MYO6: variants seen among roughly 807,000 people sequenced by gnomAD.
MYO6 encodes unconventional myosin-VI.
A neutral mutation model predicts 178.7 loss-of-function variants in MYO6; 74 were observed. That is an observed-to-expected ratio of 0.41 (90% CI 0.34 to 0.50). The LOEUF is 0.50. Among genes scored for constraint, MYO6 ranks in the 20% least tolerant of loss-of-function variants. MYO6 has a pLI of 0.09. For synonymous variants in MYO6, 477 were observed against 504.6 expected (o/e 0.95, Z 0.73); for missense variants, 1,330 against 1,547.4 (o/e 0.86, Z 2.36).
At chr6:75,888,030 C>T (rs1778599592) in intron 25 of MYO6, among the ~76,000 whole-genome samples, 2 of 151,938 alleles carry the variant, frequency 1.3e-5, no homozygotes, top group South Asian at 4.2e-4. Flanking sequence ...TGGCTCCTGC[C>T]TGTAATCCCA....
intron 1 of MYO6, among the ~76,000 whole-genome samples, chr6:75,779,266 C>T (rs1320684579): frequency 2.0e-5 from 3 of 151,960 alleles, no homozygotes; most frequent in East Asian, 1.9e-4. Flanking sequence ...CTTTGGGACG[C>T]CGAGGTGGTC....
At chr6:75,759,523 C>T (rs1013450677) in intron 1 of MYO6, among the ~76,000 whole-genome samples, 17 of 151,246 alleles carry the variant, frequency 1.1e-4, no homozygotes, top group African/African-American at 2.9e-4. Context: ...CCTCTTCCTC[C>T]GAGTCTCCAC....
chr6:75,889,274 A>G (rs1056117350), intron 25 of MYO6, among the ~76,000 whole-genome samples: 5 of 152,172 alleles, frequency 3.3e-5, no homozygotes, highest in African/African-American at 1.2e-4. Flanking sequence ...ACCCACCCAC[A>G]TTTTTTGAAG....
At position 75,916,740 on chromosome 6, in the gene MYO6, CTT is replaced by C. The variant is rs1781141324; in HGVS notation, c.*1730_*1731del. On this transcript the variant is annotated 3_prime_UTR_variant, in exon 35 of 35. Coordinates refer to ENST00000369977, the MANE Select transcript of MYO6 (RefSeq NM_004999.4). ...CAAATTGTTTTTTAATGACATGTCT[CTT>C]TAGTACAATAGTTTTGTGTATCTTT... 1 of 152,072 alleles carries C rather than the reference CTT, an allele frequency of 6.6e-6. No individual in the cohort carries two copies. Among genetic ancestry groups the C allele is most frequent in the Admixed American group, 6.6e-5 (1 of 15,260 alleles). 9.4% of individuals were successfully genotyped at this position (152,072 alleles called of 1,614,324 possible).
chr6:75,911,258 C>T (rs867545413), intron 32 of MYO6, among the ~76,000 whole-genome samples: 10 of 151,852 alleles, frequency 6.6e-5, no homozygotes, highest in African/African-American at 2.2e-4. Context: ...GTTACCAAAA[C>T]GTAGTAACGT....
chr6:75,832,969 A>T, intron 6 of MYO6, 22 bp downstream of exon 6: 1 of 1,499,230 alleles, frequency 6.7e-7, no homozygotes, highest in South Asian at 1.1e-5. Flanking sequence ...GCTAACTTGA[A>T]GTATTTGAGT....
At chr6:75,836,587 C>CTTT (rs575271701) in intron 7 of MYO6, among the ~76,000 whole-genome samples, 3 of 143,086 alleles carry the variant, frequency 2.1e-5, no homozygotes, top group African/African-American at 7.7e-5. Context: ...TTTTTCTTTT[C>CTTT]TTTTTTTTTT....
intron 1 of MYO6, among the ~76,000 whole-genome samples, chr6:75,806,352 C>T (rs1770084803): frequency 6.7e-6 from 1 of 148,772 alleles, no homozygotes; most frequent in African/African-American, 2.5e-5. Context: ...CATGCCACTG[C>T]ACTCCAGCCT....
chr6:75,863,568 C>T (rs550196420), intron 16 of MYO6, among the ~76,000 whole-genome samples: 1 of 152,062 alleles, frequency 6.6e-6, no homozygotes, highest in South Asian at 2.1e-4. Context: ...TCACTGCAAC[C>T]TCCGCATCTT....
intron 11 of MYO6, among the ~76,000 whole-genome samples, chr6:75,849,072 G>T (rs117556307): frequency 2.9e-3 from 446 of 152,310 alleles, no homozygotes; most frequent in Non-Finnish European, 5.3e-3. Context: ...TACATGAACA[G>T]TAGGACTTTG....
In MYO6 at chr6:75,784,693, C is replaced by T. The variant is rs537749805; in HGVS notation, c.-47-32808C>T. ...TTGGGAGGCTGAGGCAGGAGAATGG[C>T]GTGAACCCGGGAGGCGGAGCTTGCA... is the stretch of plus-strand genomic sequence containing the variant. On this transcript the variant is annotated intron_variant, in intron 1 of 34. Coordinates refer to ENST00000369977, the MANE Select transcript of MYO6 (RefSeq NM_004999.4). Among the ~76,000 whole-genome samples the T allele has an allele frequency of 2.7e-3, 386 of 142,994 alleles. 4 individuals are homozygous for T. The highest frequency in any genetic ancestry group is 9.7e-3 in the African/African-American group (370 of 38,100). 93.8% of individuals were successfully genotyped at this position (142,994 alleles called of 152,430 possible). A position where few individuals can be genotyped will look rare whatever the true frequency, so the allele number is the denominator to read the frequency against.
intron 16 of MYO6, 28 bp from the exon 17 acceptor site, chr6:75,866,498 A>G (rs1223383561): frequency 6.6e-7 from 1 of 1,507,198 alleles, no homozygotes; most frequent in East Asian, 2.3e-5. Context: ...TTGATCATTT[A>G]ATAACTCATA....
Position 75,892,601 on chromosome 6 carries a change from G to A in MYO6, c.3018G>A (p.Glu1006=). 6.2e-7 allele frequency: 1 copy of A among 1,613,662 alleles called. No individual in the cohort carries two copies. The highest frequency in any genetic ancestry group is 1.3e-5 in the African/African-American group (1 of 75,026). ...AACAGCAAGCAGTTCTGGAGCAGGA[G>A]CGCAGGGACCGGGAGCTGGCCCTGA... ...ESQQQAVLEQ[E]RRDRELALRI... Residue 1006 remains glutamate (E), a synonymous_variant, in exon 28 of 35, where the codon GAG becomes GAA. Coordinates refer to ENST00000369977, the MANE Select transcript of MYO6 (RefSeq NM_004999.4).
At chr6:75,768,891 T>C (rs1472777463) in intron 1 of MYO6, among the ~76,000 whole-genome samples, 1 of 152,178 alleles carries the variant, frequency 6.6e-6, no homozygotes, top group Non-Finnish European at 1.5e-5. Context: ...TTCTGTAGGA[T>C]GTAGAAGCAT....
At position 75,915,021 on chromosome 6, in the gene MYO6, C is replaced by T. The variant is rs770874916; in HGVS notation, c.*9C>T. On this transcript the variant is annotated 3_prime_UTR_variant, in exon 35 of 35. Transcript: ENST00000369977. Reference sequence around the variant, plus strand: ...AGAGTCTGTTAAAGTAGATGTTGCACACCAGCCTTACAGCTGGGAGCCTTT... The same window carrying T: ...AGAGTCTGTTAAAGTAGATGTTGCATACCAGCCTTACAGCTGGGAGCCTTT... 2 of 1,609,342 alleles carry T rather than the reference C, an allele frequency of 1.2e-6. No homozygotes were observed. Among genetic ancestry groups the T allele is most frequent in the East Asian group, 2.2e-5 (1 of 44,786 alleles).
chr6:75,786,313 A>G (rs995603317), intron 1 of MYO6, among the ~76,000 whole-genome samples: 3 of 152,122 alleles, frequency 2.0e-5, no homozygotes, highest in African/African-American at 7.2e-5. Flanking sequence ...TTGTGGCTTT[A>G]TAGTAAATCT....
chr6:75,854,630 C>G (rs556725601), intron 11 of MYO6, among the ~76,000 whole-genome samples: 2 of 152,076 alleles, frequency 1.3e-5, no homozygotes, highest in South Asian at 4.1e-4. Context: ...TAGTAAATGT[C>G]TCTTCACTCC....
At chr6:75,811,412 C>T (rs1226469149) in intron 1 of MYO6, among the ~76,000 whole-genome samples, 1 of 152,104 alleles carries the variant, frequency 6.6e-6, no homozygotes, top group East Asian at 1.9e-4. Context: ...CTCCTTTTTG[C>T]TTCTCTCCAT....
At chr6:75,765,605 A>G (rs1474883623) in intron 1 of MYO6, among the ~76,000 whole-genome samples, 3 of 152,166 alleles carry the variant, frequency 2.0e-5, no homozygotes, top group African/African-American at 4.8e-5. Context: ...AAAAATTACC[A>G]GAAGTGATGG....
Sources: gnomAD v4.1 joint callset for allele counts (sites outside exome capture counted in the v4.1 genomes callset) on GRCh38, gnomAD v4.1.1 for gene constraint, MANE v1.5 for transcripts, NCBI Gene and HGNC (gene_info 2026-07-23, HGNC 2026-07-21) for gene names.